ME1: variants seen among roughly 807,000 people sequenced by gnomAD.
The protein encoded by ME1 is NADP-dependent malic enzyme.
Under a neutral mutation model 66.4 loss-of-function variants are expected in ME1, and 74 were observed. The observed-to-expected ratio is 1.11, with a 90% CI of 0.92 to 1.35. The LOEUF is 1.35. Ranked by LOEUF, ME1 falls within the 40% of genes most tolerant of loss-of-function variation. ME1 has a pLI of 0.00. For synonymous variants in ME1, 251 were observed against 235.6 expected (o/e 1.07, Z -0.60); for missense variants, 750 against 694.1 (o/e 1.08, Z -0.90).
At chr6:83,324,864 T>C (rs1431512837) in intron 5 of ME1, among the ~76,000 whole-genome samples, 1 of 152,208 alleles carries the variant, frequency 6.6e-6, no homozygotes, top group Non-Finnish European at 1.5e-5. Context: ...TAACTCATTT[T>C]ATCACATCAG....
intron 13 of ME1, 50 bp downstream of exon 13, chr6:83,216,448 A>G (rs779055872): frequency 6.4e-6 from 8 of 1,248,762 alleles, no homozygotes; most frequent in Non-Finnish European, 9.2e-6. Flanking sequence ...ATGCATATTT[A>G]GCAAGAAAAG....
chr6:83,243,804 T>C (rs28461994), intron 7 of ME1, among the ~76,000 whole-genome samples: 1 of 135,336 alleles, frequency 7.4e-6, no homozygotes, highest in Non-Finnish European at 1.5e-5. Flanking sequence ...TATTTATATA[T>C]TATATATTAT....
At chr6:83,283,554 G>A (rs1767345766) in intron 6 of ME1, among the ~76,000 whole-genome samples, 1 of 151,898 alleles carries the variant, frequency 6.6e-6, no homozygotes, top group South Asian at 2.1e-4. Context: ...AAACCTGCAC[G>A]TTCTGCACAT....
At chr6:83,224,711 A>C (rs895252793) in intron 11 of ME1, among the ~76,000 whole-genome samples, 38 of 149,440 alleles carry the variant, frequency 2.5e-4, no homozygotes, top group African/African-American at 9.0e-4. Flanking sequence ...AAATAATAAT[A>C]ATAATAAATA....
At chr6:83,251,705 A>T (rs1035882416) in intron 7 of ME1, among the ~76,000 whole-genome samples, 1 of 152,132 alleles carries the variant, frequency 6.6e-6, no homozygotes, top group Non-Finnish European at 1.5e-5. Flanking sequence ...ACCCTTAAAT[A>T]AGAAGAAACC....
rs528946471 is a variant in ME1, at chr6:83,249,334, C to T, written c.814+4295G>A. Among the ~76,000 whole-genome samples, 7 of 152,052 alleles carry T rather than the reference C, an allele frequency of 4.6e-5. No homozygotes were observed. The South Asian group carries it at 6.2e-4, about 14-fold the overall frequency. On this transcript the variant is annotated intron_variant, in intron 7 of 13. Transcript: ENST00000369705. ...TCAGCTTGCTGAAACCTCCACCACCCGGGTTCAAGGGCCTCCCAAGTAGCT... is the reference window on the plus strand; with the variant it reads ...TCAGCTTGCTGAAACCTCCACCACCTGGGTTCAAGGGCCTCCCAAGTAGCT...
At chr6:83,352,010 T>C (rs994678184) in intron 4 of ME1, 54 bp downstream of exon 4, 43 of 1,107,362 alleles carry the variant, frequency 3.9e-5, no homozygotes, top group Non-Finnish European at 5.6e-5. Context: ...TAAACTGTTT[T>C]ATGGGACAGA....
At chr6:83,253,815 A>AT in intron 6 of ME1, 77 bp from the exon 7 acceptor site, 1 of 709,186 alleles carries the variant, frequency 1.4e-6, no homozygotes, top group Non-Finnish European at 2.4e-6. Context: ...ATTAGCCCAT[A>AT]GAAATAGGAA....
rs376956152 is a variant in ME1, at chr6:83,392,966, G to A, written c.362+5401C>T. The A allele has an allele frequency of 2.0e-5, 17 of 847,460 alleles. No homozygotes were observed. The East Asian group carries it at 2.4e-4, about 12-fold the overall frequency. 52.5% of individuals were successfully genotyped at this position (847,460 alleles called of 1,614,324 possible). Reference sequence around the variant, plus strand: ...CCATCGCTGCCACCCAGAAGACTATGGATGGCTCCTATGGGAAACTGTGGG... The same window carrying A: ...CCATCGCTGCCACCCAGAAGACTATAGATGGCTCCTATGGGAAACTGTGGG... On this transcript the variant is annotated intron_variant, in intron 3 of 13. Transcript: ENST00000369705.
chr6:83,367,533 G>C (rs1769121934), intron 3 of ME1, among the ~76,000 whole-genome samples: 1 of 152,194 alleles, frequency 6.6e-6, no homozygotes, highest in Admixed American at 6.5e-5. Context: ...GCTAGATCTG[G>C]ATAACTTGCT....
intron 3 of ME1, among the ~76,000 whole-genome samples, chr6:83,371,984 A>G (rs557666914): frequency 1.3e-5 from 2 of 152,174 alleles, no homozygotes; most frequent in Non-Finnish European, 2.9e-5. Flanking sequence ...ATATTCTCTT[A>G]TCATAGTGTT....
At chr6:83,317,406 A>T (rs1054043437) in intron 5 of ME1, among the ~76,000 whole-genome samples, 1 of 151,384 alleles carries the variant, frequency 6.6e-6, no homozygotes, top group African/African-American at 2.4e-5. Context: ...ATTCCTAGGT[A>T]TTTTATTCTC....
In ME1 at chr6:83,249,931, T is replaced by C. The variant is rs77286609; in HGVS notation, c.814+3698A>G. Among the ~76,000 whole-genome samples, 43 of 152,308 alleles carry C rather than the reference T, an allele frequency of 2.8e-4. 1 individual carries two copies. In the East Asian group the frequency reaches 7.7e-3, roughly 27 times the overall value. On this transcript the variant is annotated intron_variant, in intron 7 of 13. Coordinates refer to ENST00000369705, the MANE Select transcript of ME1 (RefSeq NM_002395.6). The stretch of plus-strand genomic sequence containing the variant: ...CCAGCTTAGGGTCATGGTCATCATT[T>C]TAACCTTAGCTTTTATCCCATTGTC...
intron 6 of ME1, among the ~76,000 whole-genome samples, chr6:83,298,642 T>C (rs1397950102): frequency 6.6e-6 from 1 of 152,176 alleles, no homozygotes; most frequent in Non-Finnish European, 1.5e-5. Flanking sequence ...TCTTTGTCCA[T>C]GCCTATGTCT....
At chr6:83,421,262 T>A (rs552897746) in intron 1 of ME1, among the ~76,000 whole-genome samples, 1 of 152,084 alleles carries the variant, frequency 6.6e-6, no homozygotes, top group African/African-American at 2.4e-5. Flanking sequence ...ATAGCAACTA[T>A]GTACCCAGTA....
intron 7 of ME1, among the ~76,000 whole-genome samples, chr6:83,250,960 A>G (rs375800374): frequency 6.6e-6 from 1 of 152,246 alleles, no homozygotes; most frequent in East Asian, 1.9e-4. Context: ...ACAAGTGGGC[A>G]TGGCTTTGTT....
chr6:83,376,752 G>C (rs1769298567), intron 3 of ME1, among the ~76,000 whole-genome samples: 1 of 140,740 alleles, frequency 7.1e-6, no homozygotes, highest in African/African-American at 2.6e-5. Context: ...GCAGTGCCCT[G>C]AGAATGCACC....
intron 3 of ME1, among the ~76,000 whole-genome samples, chr6:83,353,144 G>T (rs1231228452): frequency 6.6e-6 from 1 of 152,126 alleles, no homozygotes; most frequent in East Asian, 1.9e-4. Context: ...AGGTTAACAT[G>T]TTAATCTTTC....
chr6:83,404,599 T>G (rs570257447), intron 2 of ME1, among the ~76,000 whole-genome samples: 4 of 152,178 alleles, frequency 2.6e-5, no homozygotes, highest in African/African-American at 9.7e-5. Context: ...ATGTCCTGAA[T>G]GTATTGCCTA....
Sources: allele counts gnomAD v4.1 joint callset (sites outside exome capture counted in the v4.1 genomes callset), GRCh38; gene constraint gnomAD v4.1.1; transcripts MANE v1.5; gene names NCBI Gene and HGNC (gene_info 2026-07-23, HGNC 2026-07-21).